Variants in CENPP observed in about 807,000 individuals in gnomAD.
CENPP encodes the protein centromere protein P.
A neutral mutation model predicts 35.6 loss-of-function variants in CENPP; 24 were observed. That is an observed-to-expected ratio of 0.67 (90% CI 0.49 to 0.95). The LOEUF is 0.95. Ranked by LOEUF, CENPP falls within the 40% of genes least tolerant of loss-of-function variation. The probability of loss-of-function intolerance (pLI) is 0.00; values close to 1 mark genes in which losing one functional copy is unlikely to be tolerated. For missense variants in CENPP, 332 were observed against 345.3 expected (o/e 0.96, Z 0.31); for synonymous variants, 120 against 125.5 (o/e 0.96, Z 0.29).
At position 92,613,499 on chromosome 9, in the gene CENPP, C is replaced by T; in HGVS notation, c.*350C>T. 3.8e-6 allele frequency: 1 copy of T among 265,786 alleles called. No homozygotes were observed. The highest frequency in any genetic ancestry group is 4.2e-5 in the South Asian group (1 of 23,536). The allele number at this position is 265,786 out of a possible 1,614,324, so 16.5% of individuals were successfully genotyped here. A position where few individuals can be genotyped will look rare whatever the true frequency, so the allele number is the denominator to read the frequency against. ...CCTTGGACATGGTGGCCACATTACT[C>T]AGCTGGGAGAAGCCACCCTTATCCT... is the stretch of plus-strand genomic sequence containing the variant. On this transcript the variant is annotated 3_prime_UTR_variant, in exon 8 of 8. Coordinates refer to ENST00000375587, the MANE Select transcript of CENPP (RefSeq NM_001012267.3).
At chr9:92,367,038 C>T (rs1393634408) in intron 4 of CENPP, among the ~76,000 whole-genome samples, 1 of 152,192 alleles carries the variant, frequency 6.6e-6, no homozygotes, top group African/African-American at 2.4e-5. Context: ...CCTTCAGCTG[C>T]GGTAGCAGCA....
chr9:92,354,051 A>G (rs1357688492), intron 4 of CENPP, among the ~76,000 whole-genome samples: 2 of 152,186 alleles, frequency 1.3e-5, no homozygotes, highest in Non-Finnish European at 2.9e-5. Context: ...CATGAGCATG[A>G]GCCCACTGCT....
intron 5 of CENPP, chr9:92,495,854 C>G: frequency 1.0e-6 from 1 of 975,102 alleles, no homozygotes; most frequent in Non-Finnish European, 1.2e-6. Context: ...AAGAAATTAA[C>G]AAATTATTGT....
intron 5 of CENPP, among the ~76,000 whole-genome samples, chr9:92,452,727 C>G (rs948256855): frequency 2.0e-5 from 3 of 152,102 alleles, no homozygotes; most frequent in Non-Finnish European, 4.4e-5. Context: ...TCCATCTGGT[C>G]CTGGACTCTT....
intron 5 of CENPP, among the ~76,000 whole-genome samples, chr9:92,531,799 A>G (rs1457732667): frequency 6.6e-6 from 1 of 151,986 alleles, no homozygotes; most frequent in African/African-American, 2.4e-5. Context: ...TCACCTTCTA[A>G]TAATTCCTTT....
At chr9:92,536,166 G>A in intron 5 of CENPP, 1 of 374,430 alleles carries the variant, frequency 2.7e-6, no homozygotes, top group Middle Eastern at 3.8e-4. Flanking sequence ...TGGTTACCAA[G>A]GGAAATATTT....
At chr9:92,493,183 G>A (rs1846221556) in intron 5 of CENPP, among the ~76,000 whole-genome samples, 2 of 152,190 alleles carry the variant, frequency 1.3e-5, no homozygotes, top group South Asian at 4.1e-4. Context: ...GGATGGGAGT[G>A]AACACTTTCT....
At position 92,388,831 on chromosome 9, in the gene CENPP, C is replaced by CA. The variant is rs533649013; in HGVS notation, c.564+8990dup. ...TGGGTGACAGAGCAAGACTCCATCTCAAAAAAAAAAAAAAAAAAGGTGTAT... is the reference window on the plus strand; with the variant it reads ...TGGGTGACAGAGCAAGACTCCATCTCAAAAAAAAAAAAAAAAAAAGGTGTAT... On this transcript the variant is annotated intron_variant, in intron 5 of 7. Coordinates refer to ENST00000375587, the MANE Select transcript of CENPP (RefSeq NM_001012267.3). Among the ~76,000 whole-genome samples the CA allele has an allele frequency of 9.3e-3, 772 of 83,364 alleles. 6 individuals are homozygous for CA. Among genetic ancestry groups the CA allele is most frequent in the East Asian group, 0.034 (84 of 2,468 alleles). The allele number at this position is 83,364 out of a possible 152,430, so 54.7% of individuals were successfully genotyped here.
chr9:92,606,880 T>C (rs1851096716), intron 5 of CENPP, among the ~76,000 whole-genome samples: 1 of 152,132 alleles, frequency 6.6e-6, no homozygotes, highest in African/African-American at 2.4e-5. Flanking sequence ...GGCGAATCGC[T>C]TGAATCCAGG....
chr9:92,420,746 G>T (rs1843766343), intron 5 of CENPP, among the ~76,000 whole-genome samples: 1 of 150,910 alleles, frequency 6.6e-6, no homozygotes, highest in Admixed American at 6.6e-5. Context: ...AATGGTTTGG[G>T]TTTTGTTTTT....
chr9:92,400,785 T>G (rs1156775087), intron 5 of CENPP, among the ~76,000 whole-genome samples: 1 of 152,222 alleles, frequency 6.6e-6, no homozygotes, highest in African/African-American at 2.4e-5. Context: ...AGGCTGCACA[T>G]TGTATTTTGC....
intron 5 of CENPP, among the ~76,000 whole-genome samples, chr9:92,541,771 C>A (rs1346804632): frequency 2.0e-5 from 3 of 151,788 alleles, no homozygotes; most frequent in African/African-American, 7.3e-5. Flanking sequence ...GTTCAGTTGT[C>A]CCTGCAACAT....
At chr9:92,608,241 G>A (rs954966824) in intron 5 of CENPP, among the ~76,000 whole-genome samples, 6 of 152,332 alleles carry the variant, frequency 3.9e-5, no homozygotes, top group Middle Eastern at 6.8e-3. Flanking sequence ...TCCCACGGGG[G>A]CTCAGCCAGG....
At chr9:92,493,296 C>A (rs912856219) in intron 5 of CENPP, among the ~76,000 whole-genome samples, 1 of 152,142 alleles carries the variant, frequency 6.6e-6, no homozygotes, top group Non-Finnish European at 1.5e-5. Flanking sequence ...CTGATCTGTT[C>A]CAAACATGTT....
intron 5 of CENPP, among the ~76,000 whole-genome samples, chr9:92,552,016 TATG>T (rs1849613838): frequency 1.4e-5 from 2 of 143,550 alleles, no homozygotes; most frequent in Admixed American, 1.4e-4. Context: ...ATATATATGA[TATG>T]ATAGATCTAT....
intron 5 of CENPP, among the ~76,000 whole-genome samples, chr9:92,579,317 GT>G (rs1417055268): frequency 6.7e-6 from 1 of 149,356 alleles, no homozygotes; most frequent in Non-Finnish European, 1.5e-5. Context: ...CTTTAAAGTA[GT>G]TTTTTCCAAT....
At chr9:92,388,701 GTGTGCCTGTAGTCCCAGCCAC>G (rs1388364887) in intron 5 of CENPP, among the ~76,000 whole-genome samples, 1 of 151,754 alleles carries the variant, frequency 6.6e-6, no homozygotes, top group Non-Finnish European at 1.5e-5. Context: ...GCGTGGTGGT[GTGTGCCTGTAGTCCCAGCCAC>G]TTGGGAGGCT....
intron 5 of CENPP, chr9:92,522,523 C>T: frequency 1.4e-6 from 2 of 1,465,556 alleles, no homozygotes; most frequent in Non-Finnish European, 9.1e-7. Flanking sequence ...TTCCCCATAC[C>T]ATCTCTCACC....
intron 4 of CENPP, among the ~76,000 whole-genome samples, chr9:92,377,178 G>T (rs1455956496): frequency 6.6e-6 from 1 of 152,108 alleles, no homozygotes; most frequent in Non-Finnish European, 1.5e-5. Context: ...TTTTCAGGCT[G>T]CTCTTTGTTA....
Sources: gnomAD v4.1 joint callset for allele counts (sites outside exome capture counted in the v4.1 genomes callset) on GRCh38, gnomAD v4.1.1 for gene constraint, MANE v1.5 for transcripts, NCBI Gene and HGNC (gene_info 2026-07-23, HGNC 2026-07-21) for gene names.